Variants in RASSF3 observed in about 807,000 individuals in gnomAD.
The protein encoded by RASSF3 is ras association domain-containing protein 3.
In RASSF3, 19 loss-of-function variants were observed where a neutral mutation model predicts 19.9. The ratio of observed to expected loss-of-function variants is 0.96; its 90% CI spans 0.67 to 1.40. The LOEUF is 1.40. RASSF3 is among the 40% of genes most tolerant of loss of function. The probability of loss-of-function intolerance (pLI) is 0.00; values close to 1 mark genes in which losing one functional copy is unlikely to be tolerated. For synonymous variants in RASSF3, 110 were observed against 104.2 expected (o/e 1.06, Z -0.34); for missense variants, 306 against 289.8 (o/e 1.06, Z -0.41).
In RASSF3 at chr12:64,682,498, C is replaced by T. The variant is rs148002351; in HGVS notation, c.112-2289C>T. On this transcript the variant is annotated intron_variant, in intron 1 of 4. Coordinates refer to ENST00000542104, the MANE Select transcript of RASSF3 (RefSeq NM_178169.4). Reference sequence around the variant, plus strand: ...AGGAGAATGGCGTGAACCCAGGAGGCGGAGGTTGCAGTGAGCCCAGATCCG... The same window carrying T: ...AGGAGAATGGCGTGAACCCAGGAGGTGGAGGTTGCAGTGAGCCCAGATCCG... Among the ~76,000 whole-genome samples, 433 of 149,510 alleles carry T rather than the reference C, an allele frequency of 2.9e-3. 2 individuals are homozygous for T. The highest frequency in any genetic ancestry group is 4.5e-3 in the Non-Finnish European group (308 of 67,694).
intron 1 of RASSF3, among the ~76,000 whole-genome samples, chr12:64,662,067 G>A (rs1277697658): frequency 4.0e-5 from 6 of 151,764 alleles, no homozygotes; most frequent in African/African-American, 1.5e-4. Context: ...AAAATGGAGA[G>A]AGAGAGAAAA....
At chr12:64,664,037 T>C (rs1019513858) in intron 1 of RASSF3, among the ~76,000 whole-genome samples, 1 of 152,176 alleles carries the variant, frequency 6.6e-6, no homozygotes, top group Non-Finnish European at 1.5e-5. Flanking sequence ...ATTTGGGCAA[T>C]GACTTAATTA....
At chr12:64,618,903 T>C (rs1485224871) in intron 1 of RASSF3, among the ~76,000 whole-genome samples, 1 of 152,028 alleles carries the variant, frequency 6.6e-6, no homozygotes, top group East Asian at 1.9e-4. Flanking sequence ...ATTAGAAATG[T>C]ACCCTAAAAC....
At chr12:64,568,062 C>T (rs1223143442) in intron 2 of RASSF3, among the ~76,000 whole-genome samples, 6 of 152,146 alleles carry the variant, frequency 3.9e-5, no homozygotes, top group Admixed American at 3.3e-4. Flanking sequence ...GATGGAGTCT[C>T]GCTCTGTTGC....
At chr12:64,587,645 C>T (rs1282649264) in intron 2 of RASSF3, among the ~76,000 whole-genome samples, 1 of 152,164 alleles carries the variant, frequency 6.6e-6, no homozygotes, top group Non-Finnish European at 1.5e-5. Flanking sequence ...CTTGCGAGGT[C>T]AGGGACATAT....
At chr12:64,564,719 G>A (rs1869400249) in intron 2 of RASSF3, among the ~76,000 whole-genome samples, 1 of 151,926 alleles carries the variant, frequency 6.6e-6, no homozygotes, top group Non-Finnish European at 1.5e-5. Context: ...ATCTCCAACA[G>A]AGAAATGCGT....
In RASSF3 at chr12:64,641,421, C is replaced by CGCGT. The variant is rs1555213836; in HGVS notation, c.111+30681_111+30682insTGCG. Among the ~76,000 whole-genome samples the CGCGT allele has an allele frequency of 8.0e-3, 1,217 of 151,666 alleles. 27 individuals carry two copies. The highest frequency in any genetic ancestry group is 0.028 in the African/African-American group (1,166 of 41,078). On this transcript the variant is annotated intron_variant, in intron 1 of 4. Coordinates refer to ENST00000542104, the MANE Select transcript of RASSF3 (RefSeq NM_178169.4). ...ACAGGCGCACACACACACACGCGCG[C>CGCGT]GCGCGCGTTGAAAACAAATGAGAAA...
rs960510524 is a variant in RASSF3, at chr12:64,665,411, C to T, written c.112-19376C>T. Reference sequence around the variant, plus strand: ...CCAGTCAGATTGCTTAATTGATACACATTAATTTTTACTGTTAGATTTTTA... The same window carrying T: ...CCAGTCAGATTGCTTAATTGATACATATTAATTTTTACTGTTAGATTTTTA... On this transcript the variant is annotated intron_variant, in intron 1 of 4. Transcript: ENST00000542104. Among the ~76,000 whole-genome samples the T allele has an allele frequency of 3.9e-5, 6 of 152,242 alleles. No homozygotes were observed. In the East Asian group the frequency reaches 5.8e-4, roughly 15 times the overall value.
At chr12:64,523,771 G>C (rs922712437) in intron 1 of RASSF3, among the ~76,000 whole-genome samples, 5 of 149,588 alleles carry the variant, frequency 3.3e-5, no homozygotes, top group Non-Finnish European at 7.4e-5. Context: ...TCACAGGTGT[G>C]ATCACAGTGC....
chr12:64,546,761 A>C (rs930207078), intron 2 of RASSF3, among the ~76,000 whole-genome samples: 2 of 152,214 alleles, frequency 1.3e-5, no homozygotes. Flanking sequence ...TATGTGTGTC[A>C]GCTGATTATG....
chr12:64,569,110 G>A (rs1353364541), intron 2 of RASSF3, among the ~76,000 whole-genome samples: 1 of 152,218 alleles, frequency 6.6e-6, no homozygotes, highest in Non-Finnish European at 1.5e-5. Context: ...AAGCTTGGCT[G>A]CAAGAAGAGG....
chr12:64,618,479 A>G (rs1870628162), intron 1 of RASSF3, among the ~76,000 whole-genome samples: 1 of 152,220 alleles, frequency 6.6e-6, no homozygotes, highest in Middle Eastern at 3.4e-3. Flanking sequence ...GGGGCATGCC[A>G]CCATCCCCGG....
chr12:64,557,029 G>A (rs1393927072), intron 2 of RASSF3, among the ~76,000 whole-genome samples: 3 of 151,898 alleles, frequency 2.0e-5, no homozygotes, highest in Non-Finnish European at 4.4e-5. Flanking sequence ...TACAGACGGG[G>A]TTTCCCCATG....
chr12:64,611,950 C>G (rs1423184101), intron 1 of RASSF3, among the ~76,000 whole-genome samples: 1 of 152,172 alleles, frequency 6.6e-6, no homozygotes, highest in African/African-American at 2.4e-5. Context: ...AAGTCAAGTG[C>G]CCTTATTCAG....
At chr12:64,539,376 C>T (rs559524776) in intron 1 of RASSF3, among the ~76,000 whole-genome samples, 7 of 152,284 alleles carry the variant, frequency 4.6e-5, no homozygotes, top group Non-Finnish European at 8.8e-5. Flanking sequence ...ATACTATCAA[C>T]GCATGAATTT....
At chr12:64,598,011 G>A (rs1262121163) in intron 2 of RASSF3, among the ~76,000 whole-genome samples, 7 of 152,110 alleles carry the variant, frequency 4.6e-5, no homozygotes, top group Non-Finnish European at 1.0e-4. Flanking sequence ...TCTGCCTCCC[G>A]GGTTCAAGCA....
At position 64,696,119 on chromosome 12, in the gene RASSF3, CTCCT is replaced by C. The variant is rs1346666864; in HGVS notation, c.*1211_*1214del. 2.4e-5 allele frequency: 3 copies of C among 125,228 alleles called. No homozygotes were observed. The highest frequency in any genetic ancestry group is 5.1e-5 in the Non-Finnish European group (3 of 58,658). 7.8% of individuals were successfully genotyped at this position (125,228 alleles called of 1,614,324 possible). ...CCTCCCTCCCTCCCTCCCTCCCTCC[CTCCT>C]TCCCTCCCTCTCTCTCCCTCTCCCT... On this transcript the variant is annotated 3_prime_UTR_variant, in exon 5 of 5. Coordinates refer to ENST00000542104, the MANE Select transcript of RASSF3 (RefSeq NM_178169.4).
intron 2 of RASSF3, among the ~76,000 whole-genome samples, chr12:64,579,603 G>A (rs1032681203): frequency 2.0e-5 from 3 of 151,908 alleles, no homozygotes; most frequent in African/African-American, 7.2e-5. Flanking sequence ...CGCCTGCCTT[G>A]GCCTTCCAAA....
intron 2 of RASSF3, among the ~76,000 whole-genome samples, chr12:64,550,349 GGAGAA>G (rs1295704153): frequency 6.6e-6 from 1 of 151,980 alleles, no homozygotes; most frequent in Non-Finnish European, 1.5e-5. Context: ...AGAAAGAAAA[GGAGAA>G]GAGAAGAGAA....
Sources: gnomAD v4.1 joint callset for allele counts (sites outside exome capture counted in the v4.1 genomes callset) on GRCh38, gnomAD v4.1.1 for gene constraint, MANE v1.5 for transcripts, NCBI Gene and HGNC (gene_info 2026-07-23, HGNC 2026-07-21) for gene names.